PAK1: variants seen among roughly 807,000 people sequenced by gnomAD.
The protein encoded by PAK1 is serine/threonine-protein kinase PAK 1.
In PAK1, 29 loss-of-function variants were observed where a neutral mutation model predicts 67.4. That is an observed-to-expected ratio of 0.43 (90% CI 0.32 to 0.59). The LOEUF (loss-of-function observed/expected upper bound fraction) is 0.59. PAK1 is among the 20% of genes least tolerant of loss of function. The probability of loss-of-function intolerance (pLI) is 0.07; values close to 1 mark genes in which losing one functional copy is unlikely to be tolerated. For missense variants in PAK1, 337 were observed against 670.7 expected (o/e 0.50, Z 5.50); for synonymous variants, 223 against 237.4 (o/e 0.94, Z 0.56).
At chr11:77,495,210 A>C in the PAK1 span, among the ~76,000 whole-genome samples, 1 of 150,920 alleles carries the variant, frequency 6.6e-6, no homozygotes, top group Non-Finnish European at 1.5e-5. Flanking sequence ...GCAGTGGCTC[A>C]CACCTGTAAT....
chr11:77,438,435 G>A (rs1592475737), intron 1 of PAK1, among the ~76,000 whole-genome samples: 1 of 152,284 alleles, frequency 6.6e-6, no homozygotes, highest in East Asian at 1.9e-4. Context: ...TATCCAAACT[G>A]TATCAAAGGC....
intron 1 of PAK1, among the ~76,000 whole-genome samples, chr11:77,456,340 C>T: frequency 6.6e-6 from 1 of 151,632 alleles, no homozygotes; most frequent in Non-Finnish European, 1.5e-5. Flanking sequence ...ATATAAACAA[C>T]AGTAAAGGAA....
chr11:77,369,763 T>C (rs1418486564), intron 5 of PAK1, among the ~76,000 whole-genome samples: 1 of 152,172 alleles, frequency 6.6e-6, no homozygotes, highest in East Asian at 1.9e-4. Context: ...TTATGTCTTA[T>C]GTTTTTAATA....
chr11:77,520,463 T>C, the PAK1 span, among the ~76,000 whole-genome samples: 1 of 152,030 alleles, frequency 6.6e-6, no homozygotes, highest in African/African-American at 2.4e-5. Context: ...AGCTCAAAAA[T>C]CCTGAGGCCT....
chr11:77,416,692 G>A (rs901264453), intron 1 of PAK1, among the ~76,000 whole-genome samples: 2 of 152,126 alleles, frequency 1.3e-5, no homozygotes, highest in African/African-American at 2.4e-5. Flanking sequence ...TGTGGCTGAC[G>A]CCTGTAATCC....
At chr11:77,331,604 G>A (rs1249779294) in intron 14 of PAK1, among the ~76,000 whole-genome samples, 1 of 152,158 alleles carries the variant, frequency 6.6e-6, no homozygotes, top group Non-Finnish European at 1.5e-5. Context: ...ATGGACACAG[G>A]AAGGGGAACA....
chr11:77,416,729 G>A (rs573744830), intron 1 of PAK1, among the ~76,000 whole-genome samples: 51 of 152,224 alleles, frequency 3.4e-4, no homozygotes, highest in Admixed American at 2.7e-3. Context: ...CAAGGTGGGC[G>A]GATCACGAAG....
In PAK1 at chr11:77,333,359, G is replaced by A. The variant is rs1399327850; in HGVS notation, c.1414-492C>T. ...ATTACAGGCACCAGCCACTACACCC[G>A]ACTGCTTTTCGTATTTTCAGTAGAG... On this transcript the variant is annotated intron_variant, in intron 13 of 14. Transcript: ENST00000356341. Among the ~76,000 whole-genome samples, 7 of 151,856 alleles carry A rather than the reference G, an allele frequency of 4.6e-5. No individual in the cohort carries two copies. In the East Asian group the frequency reaches 5.8e-4, roughly 13 times the overall value.
At chr11:77,463,840 AT>A (rs11345153) in intron 1 of PAK1, among the ~76,000 whole-genome samples, 21,594 of 152,006 alleles carry the variant, frequency 0.14, 3,389 homozygotes, top group African/African-American at 0.38. Context: ...AACAGCCATA[AT>A]TTTTTTTAGT....
chr11:77,350,262 T>C (rs1397880110), intron 8 of PAK1, among the ~76,000 whole-genome samples: 5 of 152,320 alleles, frequency 3.3e-5, no homozygotes, highest in South Asian at 2.1e-4. Context: ...TGATATTAAA[T>C]ATACTCTTTC....
At chr11:77,402,178 C>A (rs769532066) in intron 1 of PAK1, among the ~76,000 whole-genome samples, 1 of 152,188 alleles carries the variant, frequency 6.6e-6, no homozygotes, top group African/African-American at 2.4e-5. Flanking sequence ...TCTCTTTCTA[C>A]ACTAATTACG....
In PAK1 at chr11:77,353,396, A is replaced by C; in HGVS notation, c.836+140T>G. On this transcript the variant is annotated intron_variant, in intron 8 of 14. Coordinates refer to ENST00000356341, the MANE Select transcript of PAK1 (RefSeq NM_002576.5). The stretch of plus-strand genomic sequence containing the variant: ...CTGCCAAATCTCAAGTCAGTCTCAC[A>C]TAACAACTCCAGATGGGTGAGGGGT... 4 of 635,426 alleles carry C rather than the reference A, an allele frequency of 6.3e-6. 1 individual carries two copies. The South Asian group carries it at 7.8e-5, about 12-fold the overall frequency. 39.4% of individuals were successfully genotyped at this position (635,426 alleles called of 1,614,324 possible).
the PAK1 span, among the ~76,000 whole-genome samples, chr11:77,529,745 T>G: frequency 1.3e-5 from 2 of 151,958 alleles, no homozygotes; most frequent in South Asian, 2.1e-4. Context: ...GAGCAGAAAG[T>G]AAGGGGAGGG....
Position 77,445,245 on chromosome 11 carries a change from A to C in PAK1, c.-22+28307T>G, listed in dbSNP as rs1956545983. Among the ~76,000 whole-genome samples, 4 of 152,270 alleles carry C rather than the reference A, an allele frequency of 2.6e-5. No homozygotes were observed. In the South Asian group the frequency reaches 8.3e-4, roughly 32 times the overall value. On this transcript the variant is annotated intron_variant, in intron 1 of 14. Coordinates refer to ENST00000356341, the MANE Select transcript of PAK1 (RefSeq NM_002576.5). ...ACAGAAACTAGGATAGAGGCCAGGCACCTCCAGAGGTGGACCTGCAAAAAC... is the reference window on the plus strand; with the variant it reads ...ACAGAAACTAGGATAGAGGCCAGGCCCCTCCAGAGGTGGACCTGCAAAAAC...
At chr11:77,346,237 G>C (rs1292618515) in intron 9 of PAK1, among the ~76,000 whole-genome samples, 1 of 152,208 alleles carries the variant, frequency 6.6e-6, no homozygotes, top group Non-Finnish European at 1.5e-5. Flanking sequence ...CTCCCAAAGT[G>C]CTGGGATTAC....
intron 14 of PAK1, among the ~76,000 whole-genome samples, chr11:77,324,352 T>C (rs1939178436): frequency 6.6e-6 from 1 of 152,002 alleles, no homozygotes; most frequent in African/African-American, 2.4e-5. Flanking sequence ...TTTGTATTTT[T>C]AGTAGAGACG....
chr11:77,339,548 T>G (rs1339413383), intron 11 of PAK1, among the ~76,000 whole-genome samples: 1 of 152,184 alleles, frequency 6.6e-6, no homozygotes, highest in African/African-American at 2.4e-5. Flanking sequence ...CATTAATTAA[T>G]TCCAATTACT....
intron 3 of PAK1, 72 bp downstream of exon 3, chr11:77,379,821 GA>G: frequency 2.0e-6 from 2 of 993,336 alleles, no homozygotes; most frequent in Non-Finnish European, 3.1e-6. Flanking sequence ...AGGAAGATGA[GA>G]AAGGGTTGAA....
At chr11:77,450,267 C>T (rs766109236) in intron 1 of PAK1, among the ~76,000 whole-genome samples, 3 of 152,064 alleles carry the variant, frequency 2.0e-5, no homozygotes, top group Non-Finnish European at 2.9e-5. Context: ...AACCCTGGAC[C>T]CACTGAGAGA....
Sources: allele counts gnomAD v4.1 joint callset (sites outside exome capture counted in the v4.1 genomes callset), GRCh38; gene constraint gnomAD v4.1.1; transcripts MANE v1.5; gene names NCBI Gene and HGNC (gene_info 2026-07-23, HGNC 2026-07-21).